Variants in CLVS1 observed in about 807,000 individuals in gnomAD.
CLVS1 encodes clavesin 1, also known as clavesin-1.
CLVS1 carries 10 observed loss-of-function variants against 33.1 expected under a neutral mutation model. The ratio of observed to expected loss-of-function variants is 0.30; its 90% confidence interval spans 0.19 to 0.51. The LOEUF (loss-of-function observed/expected upper bound fraction) is 0.51, where lower values mean the gene tolerates loss of function less well. Among genes scored for constraint, CLVS1 ranks in the 20% least tolerant of loss-of-function variants. The probability of loss-of-function intolerance (pLI) is 0.97; values close to 1 mark genes in which losing one functional copy is unlikely to be tolerated. For missense variants in CLVS1, 343 were observed against 433.4 expected (o/e 0.79, Z 1.85); for synonymous variants, 163 against 166.1 (o/e 0.98, Z 0.14).
chr8:61,285,344 G>A (rs1015560272), upstream of CLVS1, among the ~76,000 whole-genome samples: 2 of 152,098 alleles, frequency 1.3e-5, no homozygotes, highest in Non-Finnish European at 2.9e-5. Context: ...TAAGCATATA[G>A]GTCCTTTGCA....
chr8:61,437,757 A>G (rs1816390093), intron 3 of CLVS1, among the ~76,000 whole-genome samples: 1 of 152,242 alleles, frequency 6.6e-6, no homozygotes, highest in Non-Finnish European at 1.5e-5. Flanking sequence ...CTGAAACAAG[A>G]ATAGGAATTT....
At chr8:61,348,685 G>C (rs557112801) in intron 2 of CLVS1, among the ~76,000 whole-genome samples, 1 of 152,058 alleles carries the variant, frequency 6.6e-6, no homozygotes, top group African/African-American at 2.4e-5. Flanking sequence ...GTGAACGTGG[G>C]AGTGCAGGTA....
the CLVS1 span, among the ~76,000 whole-genome samples, chr8:60,972,417 T>C: frequency 6.6e-6 from 1 of 152,166 alleles, no homozygotes; most frequent in East Asian, 1.9e-4. Context: ...AACTTAAAAT[T>C]AATAAGTTTA....
intron 1 of CLVS1, among the ~76,000 whole-genome samples, chr8:61,096,325 C>G (rs1805350026): frequency 6.6e-6 from 1 of 152,172 alleles, no homozygotes; most frequent in Non-Finnish European, 1.5e-5. Context: ...ATCCTCTGGT[C>G]CTCTGCTTTC....
At chr8:61,042,940 A>G in the CLVS1 span, among the ~76,000 whole-genome samples, 1 of 152,306 alleles carries the variant, frequency 6.6e-6, no homozygotes, top group African/African-American at 2.4e-5. Flanking sequence ...GTTCTCCTTT[A>G]AAGGCACATA....
chr8:61,086,532 A>G (rs555575121), intron 1 of CLVS1, among the ~76,000 whole-genome samples: 1 of 152,044 alleles, frequency 6.6e-6, no homozygotes, highest in East Asian at 1.9e-4. Context: ...TTATGGGGTA[A>G]CTCTACCCTA....
At chr8:60,971,983 T>C in the CLVS1 span, among the ~76,000 whole-genome samples, 1 of 152,090 alleles carries the variant, frequency 6.6e-6, no homozygotes, top group Admixed American at 6.5e-5. Flanking sequence ...ATTCTTAGGG[T>C]CAGGAATTTG....
chr8:61,409,179 G>A (rs1815118231), intron 3 of CLVS1, among the ~76,000 whole-genome samples: 1 of 152,128 alleles, frequency 6.6e-6, no homozygotes, highest in Non-Finnish European at 1.5e-5. Context: ...TTTTGAATAG[G>A]TAATCCATTC....
chr8:61,077,288 G>A (rs1472730232), intron 1 of CLVS1, among the ~76,000 whole-genome samples: 22 of 151,702 alleles, frequency 1.5e-4, no homozygotes, highest in Admixed American at 1.4e-3. Flanking sequence ...AGCCAGGATG[G>A]TCTGGATCTC....
At chr8:61,185,977 C>G (rs1401908962) in intron 2 of CLVS1, among the ~76,000 whole-genome samples, 1 of 152,128 alleles carries the variant, frequency 6.6e-6, no homozygotes, top group East Asian at 1.9e-4. Flanking sequence ...ATATGACAGC[C>G]ATAACCCGGT....
chr8:61,160,848 C>A lies in CLVS1; in HGVS notation c.-152+28988C>A, dbSNP rs964845736. 4.6e-5 allele frequency among the ~76,000 whole-genome samples: 7 copies of A among 152,120 alleles called. No individual in the cohort carries two copies. In the South Asian group the frequency reaches 1.2e-3, roughly 27 times the overall value. The stretch of plus-strand genomic sequence containing the variant: ...CCCTGTTCTAGCCAGGTCTGCATAA[C>A]CCAGTCTTAGAAAAAATCCTGCTGT... On this transcript the variant is annotated intron_variant, in intron 2 of 2. Transcript: ENST00000522621.
At chr8:61,150,397 C>T (rs1806505475) in intron 2 of CLVS1, among the ~76,000 whole-genome samples, 1 of 152,126 alleles carries the variant, frequency 6.6e-6, no homozygotes, top group African/African-American at 2.4e-5. Flanking sequence ...TATTCCTTTC[C>T]ACATTTCTCT....
chr8:61,144,648 G>T (rs997088500), intron 2 of CLVS1, among the ~76,000 whole-genome samples: 109 of 152,222 alleles, frequency 7.2e-4, no homozygotes, highest in African/African-American at 1.8e-3. Flanking sequence ...TTCCACAATG[G>T]TTGAACTAAT....
chr8:61,240,698 G>C (rs760895523), intron 2 of CLVS1, among the ~76,000 whole-genome samples: 1 of 152,074 alleles, frequency 6.6e-6, no homozygotes, highest in Non-Finnish European at 1.5e-5. Context: ...TGTGTGCACT[G>C]TAGTATGTTA....
At chr8:61,382,322 G>A (rs1290449388) in intron 3 of CLVS1, among the ~76,000 whole-genome samples, 5 of 152,170 alleles carry the variant, frequency 3.3e-5, no homozygotes, top group Admixed American at 6.5e-5. Context: ...CTGACTCGTG[G>A]TGTATTCATC....
At chr8:61,331,084 A>G (rs1468083670) in intron 2 of CLVS1, among the ~76,000 whole-genome samples, 1 of 152,168 alleles carries the variant, frequency 6.6e-6, no homozygotes, top group African/African-American at 2.4e-5. Flanking sequence ...CTGTCTCAAA[A>G]AAAGAAAAAG....
At chr8:61,078,616 A>T (rs1225069918) in intron 1 of CLVS1, among the ~76,000 whole-genome samples, 1 of 152,164 alleles carries the variant, frequency 6.6e-6, no homozygotes, top group Non-Finnish European at 1.5e-5. Flanking sequence ...TTTTTACTCT[A>T]ATAATAAATC....
intron 2 of CLVS1, among the ~76,000 whole-genome samples, chr8:61,336,534 A>G (rs2129597741): frequency 6.6e-6 from 1 of 152,030 alleles, no homozygotes; most frequent in South Asian, 2.1e-4. Context: ...AGTGAGCAGA[A>G]CCCTCCCTGG....
At chr8:61,342,772 G>A (rs1812070427) in intron 2 of CLVS1, among the ~76,000 whole-genome samples, 1 of 152,242 alleles carries the variant, frequency 6.6e-6, no homozygotes, top group Non-Finnish European at 1.5e-5. Flanking sequence ...AAATTTGGAA[G>A]GAGGACATTC....
Sources: gnomAD v4.1 joint callset for allele counts (sites outside exome capture counted in the v4.1 genomes callset) on GRCh38, gnomAD v4.1.1 for gene constraint, MANE v1.5 for transcripts, NCBI Gene and HGNC (gene_info 2026-07-23, HGNC 2026-07-21) for gene names.